Variants in SUGCT observed in about 807,000 individuals in gnomAD.
The protein encoded by SUGCT is succinyl-CoA:glutarate CoA-transferase.
In SUGCT, 41 loss-of-function variants were observed where a neutral mutation model predicts 55.0. The observed-to-expected ratio is 0.74, with a 90% CI of 0.58 to 0.97. The LOEUF (loss-of-function observed/expected upper bound fraction) is 0.97, where lower values mean the gene tolerates loss of function less well. SUGCT is among the 50% of genes least tolerant of loss of function. The pLI is 0.00. For missense variants in SUGCT, 568 were observed against 547.8 expected (o/e 1.04, Z -0.37); for synonymous variants, 187 against 200.4 (o/e 0.93, Z 0.56).
intron 7 of SUGCT, among the ~76,000 whole-genome samples, chr7:40,260,836 G>A (rs1791176472): frequency 6.6e-6 from 1 of 151,606 alleles, no homozygotes; most frequent in Admixed American, 6.6e-5. Flanking sequence ...ATTTTCAGTT[G>A]GCCAGGCTGG....
At chr7:40,984,557 G>A in the SUGCT span, among the ~76,000 whole-genome samples, 1 of 151,994 alleles carries the variant, frequency 6.6e-6, no homozygotes, top group Non-Finnish European at 1.5e-5. Flanking sequence ...CTAATAAGTC[G>A]GGCAGATAGG....
At chr7:40,396,383 G>C (rs1012101402) in intron 9 of SUGCT, among the ~76,000 whole-genome samples, 1 of 152,146 alleles carries the variant, frequency 6.6e-6, no homozygotes, top group African/African-American at 2.4e-5. Flanking sequence ...ATGTTCAGAA[G>C]TAGAATAAGC....
At chr7:40,897,863 T>TC in the SUGCT span, among the ~76,000 whole-genome samples, 16 of 151,986 alleles carry the variant, frequency 1.1e-4, no homozygotes, top group Non-Finnish European at 5.9e-5. Flanking sequence ...CAGCACTCTG[T>TC]AAAACAGACC....
At chr7:40,411,370 G>A (rs988366773) in intron 9 of SUGCT, among the ~76,000 whole-genome samples, 2 of 152,216 alleles carry the variant, frequency 1.3e-5, no homozygotes, top group South Asian at 2.1e-4. Context: ...TCCAGCTTGG[G>A]CGATAGAGTG....
intron 13 of SUGCT, among the ~76,000 whole-genome samples, chr7:40,811,959 G>A (rs553187486): frequency 6.6e-6 from 1 of 152,178 alleles, no homozygotes; most frequent in South Asian, 2.1e-4. Flanking sequence ...AGTTTCTTGA[G>A]GGTTTTTGTC....
At chr7:40,492,110 A>G (rs1791716812) in intron 11 of SUGCT, among the ~76,000 whole-genome samples, 1 of 152,162 alleles carries the variant, frequency 6.6e-6, no homozygotes, top group African/African-American at 2.4e-5. Flanking sequence ...TAGTGTGACA[A>G]CCATGAAAAG....
At chr7:40,197,490 C>T (rs1047183181) in intron 6 of SUGCT, among the ~76,000 whole-genome samples, 3 of 152,178 alleles carry the variant, frequency 2.0e-5, no homozygotes, top group Admixed American at 2.0e-4. Context: ...TTGATACAGA[C>T]TGGTTAGGTT....
At chr7:40,640,366 T>C (rs1450851676) in intron 12 of SUGCT, among the ~76,000 whole-genome samples, 1 of 152,224 alleles carries the variant, frequency 6.6e-6, no homozygotes, top group African/African-American at 2.4e-5. Context: ...TTGTATCTAA[T>C]AACTGTCAGA....
rs180951649 is a variant in SUGCT at position 40,473,016 on chromosome 7, T to G, written c.986+13818T>G. Among the ~76,000 whole-genome samples, 166 of 152,302 alleles carry G rather than the reference T, an allele frequency of 1.1e-3. 1 individual carries two copies. The highest frequency in any genetic ancestry group is 3.8e-3 in the African/African-American group (159 of 41,572). On this transcript the variant is annotated intron_variant, in intron 11 of 13. Coordinates refer to ENST00000335693, the MANE Select transcript of SUGCT (RefSeq NM_001193313.2). ...AGAAAGTTGTATATTTTTCTTTCTT[T>G]GATTTTTCTATGGGAAGGAAAGTAT...
At chr7:40,744,080 C>A (rs1056494490) in intron 12 of SUGCT, among the ~76,000 whole-genome samples, 57 of 151,710 alleles carry the variant, frequency 3.8e-4, no homozygotes, top group Admixed American at 9.2e-4. Flanking sequence ...CACCACCACA[C>A]CTGGCTAAAT....
intron 12 of SUGCT, among the ~76,000 whole-genome samples, chr7:40,609,004 G>T (rs1798646554): frequency 6.6e-6 from 1 of 152,066 alleles, no homozygotes; most frequent in Non-Finnish European, 1.5e-5. Context: ...AATGGGCCTA[G>T]TATCCTGTAT....
In SUGCT at chr7:40,774,777, TAA is replaced by T. The variant is rs5883739; in HGVS notation, c.1153+25294_1153+25295del. Among the ~76,000 whole-genome samples the T allele has an allele frequency of 5.3e-3, 705 of 132,592 alleles. 5 individuals carry two copies. Among genetic ancestry groups the T allele is most frequent in the African/African-American group, 0.014 (480 of 34,358 alleles). 87.0% of individuals were successfully genotyped at this position (132,592 alleles called of 152,430 possible). On this transcript the variant is annotated intron_variant, in intron 13 of 13. Transcript: ENST00000335693. ...ATAACGACTAAGGCATTTTGGCAAA[TAA>T]AAAAAAAAAAAAACCCACAAATTTG...
At chr7:40,914,670 C>T in the SUGCT span, among the ~76,000 whole-genome samples, 13 of 152,174 alleles carry the variant, frequency 8.5e-5, no homozygotes, top group African/African-American at 2.4e-4. Context: ...TAGAAGTTGG[C>T]GTTTTATGTT....
At chr7:40,230,220 A>C (rs942261814) in intron 6 of SUGCT, among the ~76,000 whole-genome samples, 6 of 152,140 alleles carry the variant, frequency 3.9e-5, no homozygotes, top group African/African-American at 1.4e-4. Context: ...CAAACAATGG[A>C]GATGAGGATC....
intron 13 of SUGCT, among the ~76,000 whole-genome samples, chr7:40,842,472 G>A (rs181228152): frequency 6.6e-6 from 1 of 151,840 alleles, no homozygotes; most frequent in Admixed American, 6.6e-5. Flanking sequence ...TTAAATTAAG[G>A]TAAATTTGGT....
At chr7:41,008,437 A>C in the SUGCT span, among the ~76,000 whole-genome samples, 2 of 152,024 alleles carry the variant, frequency 1.3e-5, no homozygotes, top group African/African-American at 4.8e-5. Context: ...TCACAGTCTG[A>C]TTTCATGTCC....
At chr7:40,821,469 A>G (rs1792005780) in intron 13 of SUGCT, among the ~76,000 whole-genome samples, 2 of 152,178 alleles carry the variant, frequency 1.3e-5, no homozygotes, top group Non-Finnish European at 2.9e-5. Context: ...TCAGGGATTC[A>G]ACTTCTTCCT....
the SUGCT span, among the ~76,000 whole-genome samples, chr7:40,928,748 C>T: frequency 9.9e-5 from 15 of 151,966 alleles, no homozygotes; most frequent in African/African-American, 3.4e-4. Flanking sequence ...TACAGGCACG[C>T]ACCACCATGA....
At chr7:40,551,184 ACTT>A (rs1259880669) in intron 12 of SUGCT, among the ~76,000 whole-genome samples, 1 of 152,144 alleles carries the variant, frequency 6.6e-6, no homozygotes, top group African/African-American at 2.4e-5. Flanking sequence ...TGGATTACAA[ACTT>A]CTTGTTCTCT....
Sources: gnomAD v4.1 joint callset for allele counts (sites outside exome capture counted in the v4.1 genomes callset) on GRCh38, gnomAD v4.1.1 for gene constraint, MANE v1.5 for transcripts, NCBI Gene and HGNC (gene_info 2026-07-23, HGNC 2026-07-21) for gene names.